FOXP2: variants seen among roughly 807,000 people sequenced by gnomAD.
FOXP2 encodes the protein forkhead box protein P2.
Under a neutral mutation model 115.8 loss-of-function variants are expected in FOXP2, and 12 were observed. That is an observed-to-expected ratio of 0.10 (90% CI 0.07 to 0.17). The LOEUF is 0.17. FOXP2 is among the 10% of genes least tolerant of loss of function. FOXP2 has a pLI of 1.00. For missense variants in FOXP2, 629 were observed against 843.5 expected (o/e 0.75, Z 3.15); for synonymous variants, 328 against 297.7 (o/e 1.10, Z -1.05).
chr7:114,571,671 A>G lies in FOXP2; in HGVS notation c.258+36965A>G, dbSNP rs1374063245. ...TCTTCCTTATCATTATTCCCCAAAG[A>G]AAACATTGTAACAACTGTTTATACA... On this transcript the variant is annotated intron_variant, in intron 3 of 16. Transcript: ENST00000350908. 3.3e-5 allele frequency among the ~76,000 whole-genome samples: 5 copies of G among 152,020 alleles called. No individual in the cohort carries two copies. In the Middle Eastern group the frequency reaches 0.01, roughly 310 times the overall value.
At chr7:114,560,316 G>C (rs573078468) in intron 3 of FOXP2, among the ~76,000 whole-genome samples, 2 of 152,128 alleles carry the variant, frequency 1.3e-5, no homozygotes, top group African/African-American at 4.8e-5. Context: ...TTATAAAAGT[G>C]AAATTATGGC....
chr7:114,235,921 G>A (rs1294672031), intron 1 of FOXP2, among the ~76,000 whole-genome samples: 1 of 152,118 alleles, frequency 6.6e-6, no homozygotes, highest in Non-Finnish European at 1.5e-5. Context: ...TTTCCAACTG[G>A]AAATAATTTC....
chr7:114,425,131 C>T (rs1330349901), intron 1 of FOXP2, among the ~76,000 whole-genome samples: 2 of 151,396 alleles, frequency 1.3e-5, no homozygotes, highest in Non-Finnish European at 3.0e-5. Flanking sequence ...ACATTTTCTC[C>T]ATGACAGGAA....
At chr7:114,195,694 G>T (rs541844362) in intron 1 of FOXP2, among the ~76,000 whole-genome samples, 1 of 151,778 alleles carries the variant, frequency 6.6e-6, no homozygotes, top group Non-Finnish European at 1.5e-5. Flanking sequence ...CCCTTCTTAT[G>T]GTTATGATTC....
chr7:114,296,440 C>A (rs760508334), intron 2 of FOXP2, among the ~76,000 whole-genome samples: 8 of 151,838 alleles, frequency 5.3e-5, no homozygotes, highest in Non-Finnish European at 8.8e-5. Flanking sequence ...ATTCACTAAT[C>A]AAGATTATGT....
intron 1 of FOXP2, among the ~76,000 whole-genome samples, chr7:114,133,304 A>T (rs1265629481): frequency 6.6e-6 from 1 of 152,184 alleles, no homozygotes; most frequent in African/African-American, 2.4e-5. Context: ...TCAGAAATTC[A>T]ATTTTGTACA....
intron 3 of FOXP2, among the ~76,000 whole-genome samples, chr7:114,586,603 C>A (rs1802147087): frequency 1.3e-5 from 2 of 151,806 alleles, no homozygotes; most frequent in South Asian, 4.1e-4. Context: ...TTAATTTTTA[C>A]AAATTAAAAA....
intron 3 of FOXP2, among the ~76,000 whole-genome samples, chr7:114,599,480 G>C (rs1802905128): frequency 6.6e-6 from 1 of 152,046 alleles, no homozygotes. Context: ...AAATTTCTTT[G>C]TGGGGACGTT....
At chr7:114,242,396 G>C (rs1460975917) in intron 1 of FOXP2, among the ~76,000 whole-genome samples, 1 of 151,982 alleles carries the variant, frequency 6.6e-6, no homozygotes, top group Non-Finnish European at 1.5e-5. Flanking sequence ...TTTTGTCTCT[G>C]TCATCCCCAT....
chr7:114,226,940 T>G (rs1794761705), intron 1 of FOXP2, among the ~76,000 whole-genome samples: 1 of 152,160 alleles, frequency 6.6e-6, no homozygotes, highest in East Asian at 1.9e-4. Flanking sequence ...AAATCCATTT[T>G]ACTTACAGCT....
chr7:114,221,221 A>G (rs1794612986), intron 1 of FOXP2, among the ~76,000 whole-genome samples: 1 of 152,154 alleles, frequency 6.6e-6, no homozygotes, highest in African/African-American at 2.4e-5. Flanking sequence ...TTTGAGTCAG[A>G]ATTTAATTCT....
rs1806882530 is a variant in FOXP2 at position 114,661,865 on chromosome 7, T to C, written c.1648-200T>C. ...ATTATTAAAATAGCTTGGAAGGTTC[T>C]CTTATCACAAAGTTCAAACTGCAGA... On this transcript the variant is annotated intron_variant, in intron 13 of 16. Coordinates refer to ENST00000350908, the MANE Select transcript of FOXP2 (RefSeq NM_014491.4). 5.1e-6 allele frequency: 3 copies of C among 587,896 alleles called. No homozygotes were observed. In the East Asian group the frequency reaches 9.9e-5, roughly 19 times the overall value. The allele number at this position is 587,896 out of a possible 1,614,324, so 36.4% of individuals were successfully genotyped here.
At chr7:114,120,059 T>C (rs1791516300) in intron 1 of FOXP2, among the ~76,000 whole-genome samples, 1 of 152,156 alleles carries the variant, frequency 6.6e-6, no homozygotes, top group African/African-American at 2.4e-5. Flanking sequence ...TGACATCTCA[T>C]CATTTAGCTC....
At chr7:114,158,013 TG>T (rs1792714729) in intron 1 of FOXP2, among the ~76,000 whole-genome samples, 1 of 152,066 alleles carries the variant, frequency 6.6e-6, no homozygotes. Context: ...GGGATAGAAC[TG>T]AAAATATATC....
At chr7:114,311,506 T>G (rs1486077575) in intron 2 of FOXP2, among the ~76,000 whole-genome samples, 1 of 152,096 alleles carries the variant, frequency 6.6e-6, no homozygotes, top group African/African-American at 2.4e-5. Context: ...GCCACAAGAT[T>G]ACATTATTAA....
chr7:114,099,829 A>C (rs942708788), intron 1 of FOXP2, among the ~76,000 whole-genome samples: 7 of 152,172 alleles, frequency 4.6e-5, no homozygotes, highest in African/African-American at 1.7e-4. Context: ...GATACGTAGG[A>C]TGAATAAGTC....
intron 6 of FOXP2, 69 bp downstream of exon 6, chr7:114,631,774 C>CCTTA: frequency 6.6e-7 from 1 of 1,520,972 alleles, no homozygotes; most frequent in Non-Finnish European, 9.1e-7. Flanking sequence ...GGCCTTTCTG[C>CCTTA]CTTATACCTT....
intron 2 of FOXP2, among the ~76,000 whole-genome samples, chr7:114,518,528 A>G (rs1207809382): frequency 6.7e-6 from 1 of 150,150 alleles, no homozygotes; most frequent in Non-Finnish European, 1.5e-5. Context: ...TTTTTTTGAG[A>G]TGGAGTCTCT....
chr7:114,353,513 A>T (rs1482257330), intron 2 of FOXP2, among the ~76,000 whole-genome samples: 1 of 151,950 alleles, frequency 6.6e-6, no homozygotes, highest in Non-Finnish European at 1.5e-5. Context: ...ATGAAAGCAG[A>T]TTGGGATTTA....
Sources: gnomAD v4.1 joint callset for allele counts (sites outside exome capture counted in the v4.1 genomes callset) on GRCh38, gnomAD v4.1.1 for gene constraint, MANE v1.5 for transcripts, NCBI Gene and HGNC (gene_info 2026-07-23, HGNC 2026-07-21) for gene names.